Variants in LY6S observed in about 807,000 individuals in gnomAD.
The protein encoded by LY6S is lymphocyte antigen 6 family member S.
At chr8:143,062,335 A>G in the LY6S span, among the ~76,000 whole-genome samples, 2 of 152,212 alleles carry the variant, frequency 1.3e-5, no homozygotes, top group Non-Finnish European at 2.9e-5. Flanking sequence ...ATGAAACCTA[A>G]CAAGAGATGC....
chr8:143,044,643 C>A, the LY6S span: 1 of 1,358,484 alleles, frequency 7.4e-7, no homozygotes, highest in Non-Finnish European at 9.8e-7. Context: ...GCCCCTCCCT[C>A]CCCAGAACCT....
chr8:143,069,187 A>G, the LY6S span, among the ~76,000 whole-genome samples: 1 of 152,198 alleles, frequency 6.6e-6, no homozygotes, highest in African/African-American at 2.4e-5. Context: ...TGGGAACCAG[A>G]GCCCCTAGAA....
At chr8:143,070,400 T>TA in the LY6S span, among the ~76,000 whole-genome samples, 85 of 131,362 alleles carry the variant, frequency 6.5e-4, 1 homozygote, top group Non-Finnish European at 7.7e-4. Flanking sequence ...TTTATATATA[T>TA]TTTTTATTTA....
At chr8:143,074,262 C>T in the LY6S span, among the ~76,000 whole-genome samples, 1 of 151,754 alleles carries the variant, frequency 6.6e-6, no homozygotes, top group Non-Finnish European at 1.5e-5. Flanking sequence ...TTCCAATACA[C>T]ATGTTAGACA....
the LY6S span, among the ~76,000 whole-genome samples, chr8:143,073,788 AGGAGACAGCCGTCG>A: frequency 7.2e-6 from 1 of 138,082 alleles, no homozygotes; most frequent in Non-Finnish European, 1.5e-5. Context: ...TCCCTGTTTG[AGGAGACAGCCGTCG>A]TCCCCGGGGT....
chr8:143,044,948 A>T, the LY6S span: 1 of 760,854 alleles, frequency 1.3e-6, no homozygotes, highest in Non-Finnish European at 1.8e-6. Flanking sequence ...AGCCCCACAC[A>T]CCTGCCTGCA....
the LY6S span, chr8:143,043,353 G>A: frequency 4.6e-6 from 4 of 875,096 alleles, no homozygotes; most frequent in Non-Finnish European, 6.4e-6. Context: ...GAGAGAGCGG[G>A]GTGGGGGATG....
chr8:143,065,748 T>C, the LY6S span, among the ~76,000 whole-genome samples: 615 of 112,824 alleles, frequency 5.5e-3, 6 homozygotes, highest in African/African-American at 0.021. Context: ...TTCTTTCTCT[T>C]TCTTTCTTTC....
At chr8:143,046,772 G>A in the LY6S span, among the ~76,000 whole-genome samples, 1 of 151,984 alleles carries the variant, frequency 6.6e-6, no homozygotes, top group Non-Finnish European at 1.5e-5. Context: ...GACCGAGGCA[G>A]GTGAATCACC....
the LY6S span, among the ~76,000 whole-genome samples, chr8:143,045,647 C>T: frequency 6.6e-6 from 1 of 152,176 alleles, no homozygotes; most frequent in Non-Finnish European, 1.5e-5. The surrounding 1 kb of genome is among the most constrained non-coding windows in gnomAD (Gnocchi z 5.3). Flanking sequence ...CTGGTCCACC[C>T]CTCCTCACTT....
At chr8:143,058,174 C>T in the LY6S span, among the ~76,000 whole-genome samples, 3 of 152,254 alleles carry the variant, frequency 2.0e-5, no homozygotes, top group South Asian at 2.1e-4. Context: ...GGTCTCTCCC[C>T]GCGTGCGGCG....
chr8:143,056,999 T>C, the LY6S span: 104 of 234,756 alleles, frequency 4.4e-4, no homozygotes, highest in African/African-American at 1.7e-3. Context: ...GAAAAGTGCT[T>C]CTAAATGCAG....
chr8:143,044,566 G>T, the LY6S span: 10 of 354,448 alleles, frequency 2.8e-5, no homozygotes, highest in Non-Finnish European at 3.4e-5. Flanking sequence ...AGGAGCCACA[G>T]ACCGGCCCCC....
the LY6S span, among the ~76,000 whole-genome samples, chr8:143,076,432 G>A: frequency 6.6e-6 from 1 of 152,336 alleles, no homozygotes; most frequent in Non-Finnish European, 1.5e-5. Context: ...ACAGGGCAAG[G>A]AGAAGACCTG....
At chr8:143,067,048 C>T in the LY6S span, among the ~76,000 whole-genome samples, 14,673 of 152,046 alleles carry the variant, frequency 0.097, 949 homozygotes, top group Middle Eastern at 0.2. Context: ...AACGTGTTGG[C>T]GCCATCCTCA....
the LY6S span, among the ~76,000 whole-genome samples, chr8:143,070,399 ATTTTTTATTTATG>A: frequency 7.9e-6 from 1 of 126,106 alleles, no homozygotes; most frequent in African/African-American, 3.3e-5. Flanking sequence ...ATTTATATAT[ATTTTTTATTTATG>A]TATATATATT....
At chr8:143,075,751 A>G in the LY6S span, among the ~76,000 whole-genome samples, 1 of 152,200 alleles carries the variant, frequency 6.6e-6, no homozygotes, top group East Asian at 1.9e-4. The surrounding 1 kb of genome is among the most constrained non-coding windows in gnomAD (Gnocchi z 4.1). Context: ...GCAAATATAT[A>G]GGGTTAGATT....
chr8:143,044,816 A>C, the LY6S span: 4 of 1,365,718 alleles, frequency 2.9e-6, no homozygotes, highest in Non-Finnish European at 3.9e-6. Context: ...AGAGAGGGCA[A>C]GGTGGGTGAC....
At chr8:143,058,469 A>C in the LY6S span, among the ~76,000 whole-genome samples, 1 of 152,122 alleles carries the variant, frequency 6.6e-6, no homozygotes, top group Non-Finnish European at 1.5e-5. Flanking sequence ...AGCTTATGCC[A>C]TTATTTCTGC....
Sources: gnomAD v4.1 joint callset for allele counts (sites outside exome capture counted in the v4.1 genomes callset) on GRCh38, gnomAD v4.1.1 for gene constraint, Gnocchi (gnomAD v3.1) non-coding constraint, MANE v1.5 for transcripts, NCBI Gene and HGNC (gene_info 2026-07-23, HGNC 2026-07-21) for gene names.